Variants in GLRA1 observed in about 807,000 individuals in gnomAD.
GLRA1 encodes glycine receptor alpha 1.
A neutral mutation model predicts 48.3 loss-of-function variants in GLRA1; 37 were observed. The observed-to-expected ratio is 0.77, with a 90% confidence interval of 0.59 to 1.01. The LOEUF (loss-of-function observed/expected upper bound fraction) is 1.01. GLRA1 is among the 50% of genes least tolerant of loss of function. The pLI, the probability that GLRA1 is intolerant of heterozygous loss-of-function variation, is 0.00. For synonymous variants in GLRA1, 196 were observed against 210.7 expected (o/e 0.93, Z 0.60); for missense variants, 427 against 571.0 (o/e 0.75, Z 2.57).
At chr5:151,917,964 T>A (rs1209478319) in intron 1 of GLRA1, among the ~76,000 whole-genome samples, 2 of 152,184 alleles carry the variant, frequency 1.3e-5, no homozygotes, top group Non-Finnish European at 2.9e-5. Flanking sequence ...TGTCGGCAGC[T>A]CCCTGTTAAG....
At chr5:151,837,539 A>G (rs1763607563) in intron 7 of GLRA1, among the ~76,000 whole-genome samples, 1 of 152,230 alleles carries the variant, frequency 6.6e-6, no homozygotes, top group Non-Finnish European at 1.5e-5. Context: ...ACTGTTCACA[A>G]TAGCAAAGCC....
chr5:151,901,224 A>G (rs1183605614), intron 1 of GLRA1, among the ~76,000 whole-genome samples: 1 of 152,198 alleles, frequency 6.6e-6, no homozygotes, highest in Non-Finnish European at 1.5e-5. Flanking sequence ...GTCCTTATTT[A>G]TAATGCTACC....
chr5:151,914,551 T>G (rs982790427), intron 1 of GLRA1, among the ~76,000 whole-genome samples: 1 of 152,162 alleles, frequency 6.6e-6, no homozygotes, highest in Non-Finnish European at 1.5e-5. Context: ...ACCAAGACTT[T>G]TAAAAATTCT....
intron 8 of GLRA1, among the ~76,000 whole-genome samples, chr5:151,827,029 G>GTTTTTTT (rs199505206): frequency 0.16 from 20,246 of 125,450 alleles, 1,955 homozygotes; most frequent in South Asian, 0.27. Context: ...CTTTCTTTCT[G>GTTTTTTT]TTTTTTTTTT....
chr5:151,850,189 G>T (rs1752863764), intron 7 of GLRA1: 1 of 1,603,458 alleles, frequency 6.2e-7, no homozygotes, highest in Middle Eastern at 2.2e-4. Context: ...AAAGCCCATG[G>T]CAGGGACATC....
chr5:151,833,796 C>CAAAA (rs757336792), intron 7 of GLRA1, among the ~76,000 whole-genome samples: 63 of 64,768 alleles, frequency 9.7e-4, no homozygotes, highest in African/African-American at 3.7e-3. Flanking sequence ...AAGTGGAAAG[C>CAAAA]AAAAAAAAAA....
chr5:151,861,292 G>A (rs1401459188), intron 3 of GLRA1, among the ~76,000 whole-genome samples: 2 of 152,154 alleles, frequency 1.3e-5, no homozygotes, highest in African/African-American at 4.8e-5. Flanking sequence ...GATCCTTGAG[G>A]AATCGCCACA....
chr5:151,886,514 G>C (rs1197190830), intron 3 of GLRA1, among the ~76,000 whole-genome samples: 1 of 152,118 alleles, frequency 6.6e-6, no homozygotes, highest in Non-Finnish European at 1.5e-5. Context: ...GCCCTGCTAG[G>C]TCTTTGGCTA....
At chr5:151,922,284 C>A (rs1004691492) in intron 1 of GLRA1, among the ~76,000 whole-genome samples, 1 of 152,202 alleles carries the variant, frequency 6.6e-6, no homozygotes, top group Non-Finnish European at 1.5e-5. Flanking sequence ...TAAGTCCTCA[C>A]ATTATAATGC....
In GLRA1 at chr5:151,892,352, C is replaced by T. The variant is rs151029950; in HGVS notation, c.143G>A (p.Arg48Lys). The change falls in exon 2 of 9, where the codon AGA (arginine) becomes AAA (lysine). Residue 48 changes from arginine (R) to lysine (K), a missense_variant. This residue lies in a region of GLRA1 where 271 missense variants were observed against 434.9 expected (regional missense o/e 0.62). Transcript: ENST00000274576. ...PSDFLDKLMGRTSGYDARIRP... is the reference protein window; with the variant it reads ...PSDFLDKLMGKTSGYDARIRP... ...GATCCTGGCATCATATCCGGAGGTT[C>T]TCCCCATTAGCTTATCCAGGAAATC... The T allele has an allele frequency of 2.5e-6, 4 of 1,613,826 alleles. No homozygotes were observed. In the African/African-American group the frequency reaches 4.0e-5, roughly 16 times the overall value.
chr5:151,896,378 A>G (rs943207289), intron 1 of GLRA1, among the ~76,000 whole-genome samples: 1 of 152,238 alleles, frequency 6.6e-6, no homozygotes, highest in African/African-American at 2.4e-5. Context: ...AAATGCTACA[A>G]CGTAAGGGAA....
intron 3 of GLRA1, among the ~76,000 whole-genome samples, chr5:151,879,851 G>A (rs1242508532): frequency 6.6e-6 from 1 of 152,198 alleles, no homozygotes; most frequent in African/African-American, 2.4e-5. Flanking sequence ...TGATTTGGCT[G>A]TGTCCCCACT....
intron 5 of GLRA1, among the ~76,000 whole-genome samples, chr5:151,855,779 T>A (rs1164901260): frequency 6.6e-6 from 1 of 152,226 alleles, no homozygotes; most frequent in East Asian, 1.9e-4. Flanking sequence ...GGTTTCTCTG[T>A]TTGCAATCAA....
chr5:151,919,794 T>C (rs903881426), intron 1 of GLRA1, among the ~76,000 whole-genome samples: 5 of 152,242 alleles, frequency 3.3e-5, no homozygotes, highest in African/African-American at 9.6e-5. Context: ...TCCTTCCCTT[T>C]AGGCCAAAGC....
intron 6 of GLRA1, among the ~76,000 whole-genome samples, chr5:151,852,202 C>T (rs1196690297): frequency 6.6e-6 from 1 of 152,168 alleles, no homozygotes; most frequent in Non-Finnish European, 1.5e-5. Context: ...TATATGCCAT[C>T]CCTTGCCTTG....
intron 7 of GLRA1, among the ~76,000 whole-genome samples, chr5:151,842,924 T>C (rs1255626285): frequency 6.6e-6 from 1 of 152,174 alleles, no homozygotes; most frequent in Non-Finnish European, 1.5e-5. Context: ...CATACAAAAA[T>C]CAATTGTATT....
chr5:151,906,652 C>T (rs1451355082), intron 1 of GLRA1, among the ~76,000 whole-genome samples: 5 of 152,134 alleles, frequency 3.3e-5, no homozygotes, highest in Non-Finnish European at 7.4e-5. Context: ...TTTTATTTTC[C>T]AGACATCGAG....
chr5:151,859,523 T>C (rs1402393579), intron 4 of GLRA1, among the ~76,000 whole-genome samples: 1 of 152,248 alleles, frequency 6.6e-6, no homozygotes, highest in Non-Finnish European at 1.5e-5. Flanking sequence ...GCTGAGTAAC[T>C]TCAACCCCAC....
At chr5:151,846,368 G>A (rs1752672334) in intron 7 of GLRA1, among the ~76,000 whole-genome samples, 1 of 152,238 alleles carries the variant, frequency 6.6e-6, no homozygotes, top group Admixed American at 6.5e-5. Flanking sequence ...TTAATAGTGA[G>A]TGGAGCAGAA....
Sources: gnomAD v4.1 joint callset for allele counts (sites outside exome capture counted in the v4.1 genomes callset) on GRCh38, gnomAD v4.1.1 for gene constraint, gnomAD v4.1.1 regional missense constraint, MANE v1.5 for transcripts, NCBI Gene and HGNC (gene_info 2026-07-23, HGNC 2026-07-21) for gene names.